ERBB4: variants seen among roughly 807,000 people sequenced by gnomAD.
The protein encoded by ERBB4 is erb-b2 receptor tyrosine kinase 4, also known as receptor tyrosine-protein kinase erbB-4.
In ERBB4, 42 loss-of-function variants were observed where a neutral mutation model predicts 158.0. That is an observed-to-expected ratio of 0.27 (90% CI 0.21 to 0.34). The LOEUF is 0.34. Ranked by LOEUF, ERBB4 falls within the 10% of genes least tolerant of loss-of-function variation. The probability of loss-of-function intolerance (pLI) is 1.00; values close to 1 mark genes in which losing one functional copy is unlikely to be tolerated. For synonymous variants in ERBB4, 583 were observed against 558.7 expected (o/e 1.04, Z -0.61); for missense variants, 1,333 against 1,624.1 (o/e 0.82, Z 3.08).
At chr2:212,415,085 A>G (rs370544180) in intron 1 of ERBB4, among the ~76,000 whole-genome samples, 47 of 152,296 alleles carry the variant, frequency 3.1e-4, no homozygotes, top group African/African-American at 9.9e-4. Context: ...ATGTTTGATG[A>G]GGTCATAATC....
At chr2:212,509,933 TAACA>T (rs1247998766) in intron 1 of ERBB4, among the ~76,000 whole-genome samples, 3 of 151,812 alleles carry the variant, frequency 2.0e-5, no homozygotes, top group Admixed American at 6.6e-5. Context: ...AATGCTTAAT[TAACA>T]GTTAACCATG....
intron 3 of ERBB4, among the ~76,000 whole-genome samples, chr2:211,812,654 T>G (rs2076786385): frequency 6.6e-6 from 1 of 152,152 alleles, no homozygotes; most frequent in African/African-American, 2.4e-5. Context: ...AGAGGTGGAG[T>G]CATACAGGCA....
chr2:211,840,819 A>C (rs1035603903), intron 3 of ERBB4, among the ~76,000 whole-genome samples: 3 of 152,140 alleles, frequency 2.0e-5, no homozygotes, highest in African/African-American at 7.2e-5. Context: ...AATAATAGCA[A>C]TGCATTTATG....
intron 3 of ERBB4, among the ~76,000 whole-genome samples, chr2:211,937,908 AG>A (rs1430095771): frequency 6.6e-6 from 1 of 152,156 alleles, no homozygotes; most frequent in Non-Finnish European, 1.5e-5. Flanking sequence ...TGGAAACTAA[AG>A]GTGAAAGTAA....
At chr2:212,111,400 C>A (rs2079401637) in intron 2 of ERBB4, among the ~76,000 whole-genome samples, 1 of 152,200 alleles carries the variant, frequency 6.6e-6, no homozygotes, top group Admixed American at 6.5e-5. Flanking sequence ...GGATTTGTTA[C>A]AGCTTATTAG....
chr2:211,977,357 A>G (rs909818218), intron 2 of ERBB4, among the ~76,000 whole-genome samples: 3 of 152,064 alleles, frequency 2.0e-5, no homozygotes, highest in South Asian at 2.1e-4. Flanking sequence ...AGTCTTGTGT[A>G]TTACATATAT....
intron 2 of ERBB4, among the ~76,000 whole-genome samples, chr2:212,093,817 G>A (rs2078849462): frequency 6.6e-6 from 1 of 152,098 alleles, no homozygotes; most frequent in Admixed American, 6.6e-5. Context: ...ATAAATAGCT[G>A]CCATTAAGGA....
chr2:212,208,036 T>C (rs1362001340), intron 1 of ERBB4, among the ~76,000 whole-genome samples: 1 of 152,160 alleles, frequency 6.6e-6, no homozygotes, highest in East Asian at 1.9e-4. Flanking sequence ...TTGTAATACA[T>C]AAAAAACAGC....
At chr2:212,264,088 G>T (rs1463503823) in intron 1 of ERBB4, among the ~76,000 whole-genome samples, 3 of 152,080 alleles carry the variant, frequency 2.0e-5, no homozygotes, top group Non-Finnish European at 4.4e-5. Context: ...GGTTGAATTT[G>T]TTATATCAAC....
At chr2:211,978,532 C>G (rs2081697498) in intron 2 of ERBB4, among the ~76,000 whole-genome samples, 2 of 152,108 alleles carry the variant, frequency 1.3e-5, no homozygotes, top group African/African-American at 4.8e-5. Flanking sequence ...AAGGGATCCT[C>G]CCAACCTTAG....
intron 1 of ERBB4, among the ~76,000 whole-genome samples, chr2:212,409,024 ATCATT>A (rs139374026): frequency 1.0e-3 from 159 of 152,288 alleles, no homozygotes; most frequent in Middle Eastern, 6.8e-3. Flanking sequence ...GATAATACAA[ATCATT>A]TCTTTACTAA....
intron 2 of ERBB4, among the ~76,000 whole-genome samples, chr2:212,086,040 C>T (rs1276948451): frequency 6.6e-6 from 1 of 151,924 alleles, no homozygotes; most frequent in Non-Finnish European, 1.5e-5. Flanking sequence ...TAATCATTGA[C>T]ATGGTTACGG....
chr2:211,438,059 T>G (rs554715095), intron 20 of ERBB4, among the ~76,000 whole-genome samples: 1 of 152,282 alleles, frequency 6.6e-6, no homozygotes, highest in East Asian at 1.9e-4. Context: ...CAGCAGAAGC[T>G]GGTTCATGGC....
At position 211,820,531 on chromosome 2, in the gene ERBB4, T is replaced by C. The variant is rs561660322; in HGVS notation, c.422-32372A>G. On this transcript the variant is annotated intron_variant, in intron 3 of 27. Transcript: ENST00000342788. ...TTTAAAGAAGATTTAATACCAATTC[T>C]TTTCTAACTATTCAAAAAATTGAAA... 5.3e-4 allele frequency among the ~76,000 whole-genome samples: 81 copies of C among 152,014 alleles called. No homozygotes were observed. The Middle Eastern group carries it at 0.01, about 19-fold the overall frequency.
chr2:212,110,335 A>T lies in ERBB4; in HGVS notation c.234+14417T>A, dbSNP rs888217809. Among the ~76,000 whole-genome samples the T allele has an allele frequency of 2.0e-5, 3 of 152,128 alleles. No individual in the cohort carries two copies. In the East Asian group the frequency reaches 5.8e-4, roughly 29 times the overall value. Reference sequence around the variant, plus strand: ...CCCGTCCCCAGTATATTTATTGCTTACTCTTCTTCTCTTCCAAGACTTGAC... The same window carrying T: ...CCCGTCCCCAGTATATTTATTGCTTTCTCTTCTTCTCTTCCAAGACTTGAC... On this transcript the variant is annotated intron_variant, in intron 2 of 27. Coordinates refer to ENST00000342788, the MANE Select transcript of ERBB4 (RefSeq NM_005235.3).
chr2:212,024,943 T>C (rs2076739742), intron 2 of ERBB4, among the ~76,000 whole-genome samples: 1 of 151,820 alleles, frequency 6.6e-6, no homozygotes, highest in African/African-American at 2.4e-5. Context: ...TTCAGCAAAT[T>C]ACCAAGATTC....
chr2:211,396,167 TTAGA>T (rs746408704), intron 25 of ERBB4, among the ~76,000 whole-genome samples: 8 of 152,102 alleles, frequency 5.3e-5, no homozygotes, highest in East Asian at 1.9e-4. Flanking sequence ...GATACATATG[TTAGA>T]TATATATATG....
At chr2:212,508,661 G>C (rs1691331310) in intron 1 of ERBB4, among the ~76,000 whole-genome samples, 1 of 151,984 alleles carries the variant, frequency 6.6e-6, no homozygotes, top group South Asian at 2.1e-4. Flanking sequence ...GAATCCAGGG[G>C]CATCTAAATA....
intron 3 of ERBB4, among the ~76,000 whole-genome samples, chr2:211,833,604 G>T (rs954095226): frequency 6.6e-6 from 1 of 151,974 alleles, no homozygotes; most frequent in African/African-American, 2.4e-5. Context: ...GAATTTTTCT[G>T]TTAAGCAGGA....
Sources: gnomAD v4.1 joint callset for allele counts (sites outside exome capture counted in the v4.1 genomes callset) on GRCh38, gnomAD v4.1.1 for gene constraint, MANE v1.5 for transcripts, NCBI Gene and HGNC (gene_info 2026-07-23, HGNC 2026-07-21) for gene names.